HSPG2: variants seen among roughly 807,000 people sequenced by gnomAD.
The protein encoded by HSPG2 is basement membrane-specific heparan sulfate proteoglycan core protein.
A neutral mutation model predicts 526.6 loss-of-function variants in HSPG2; 278 were observed. The observed-to-expected ratio is 0.53, with a 90% CI of 0.48 to 0.58. The LOEUF is 0.58. Among genes scored for constraint, HSPG2 ranks in the 20% least tolerant of loss-of-function variants. The pLI is 0.00. For synonymous variants in HSPG2, 2,465 were observed against 2,555.4 expected, an observed-to-expected ratio of 0.96 and a Z score of 1.07; for missense variants, 5,354 against 6,099.5, an observed-to-expected ratio of 0.88 and a Z score of 4.07.
In HSPG2 at chr1:21,836,909, G is replaced by A. The variant is rs41310390; in HGVS notation, c.10248C>T (p.Ser3416=). Residue 3416 remains serine (S), a synonymous_variant, in exon 75 of 97, where the codon AGC becomes AGT. Transcript: ENST00000374695. Reference sequence around the variant, plus strand: ...TGGGCACAGCACAGTGGAACTCAACGCTGGCCCCAATGCTCTTGGTCTCTA... The same window carrying A: ...TGGGCACAGCACAGTGGAACTCAACACTGGCCCCAATGCTCTTGGTCTCTA... The part of the protein sequence containing the change: ...PQLETKSIGA[S]VEFHCAVPSD... 0.06 allele frequency: 94,257 copies of A among 1,561,834 alleles called. 3,109 individuals carry two copies. Among genetic ancestry groups the A allele is most frequent in the South Asian group, 0.096 (8,164 of 84,728 alleles).
intron 1 of HSPG2, among the ~76,000 whole-genome samples, chr1:21,927,296 C>T (rs1267450416): frequency 6.6e-6 from 1 of 152,162 alleles, no homozygotes; most frequent in Non-Finnish European, 1.5e-5. Flanking sequence ...TACCCAACAG[C>T]CCAAGCCCAA....
intron 65 of HSPG2, 87 bp from the exon 66 acceptor site, chr1:21,843,525 T>C (rs1202905847): frequency 8.5e-6 from 12 of 1,409,320 alleles, no homozygotes; most frequent in African/African-American, 2.8e-5. Flanking sequence ...GGGACTGCCA[T>C]GCACAGATAT....
At chr1:21,850,996 T>C (rs184297546) in intron 55 of HSPG2, among the ~76,000 whole-genome samples, 3 of 149,750 alleles carry the variant, frequency 2.0e-5, no homozygotes, top group African/African-American at 7.5e-5. Context: ...TTTTTGAGAC[T>C]GAGTCTCGCT....
In HSPG2 at chr1:21,855,419, C is replaced by T. The variant is rs1458695066; in HGVS notation, c.5882G>A (p.Ser1961Asn). The T allele has an allele frequency of 6.2e-7, 1 of 1,613,208 alleles. No homozygotes were observed. The highest frequency in any genetic ancestry group is 2.2e-5 in the East Asian group (1 of 44,872). ...HGGGGPRVQVSPERTQVHAGR... is the reference protein window; with the variant it reads ...HGGGGPRVQVNPERTQVHAGR... ...TGCGTGGACCTGGGTCCTCTCTGGG[C>T]TCACTTGGACTCTGGGCCCACCGCC... is the stretch of plus-strand genomic sequence containing the variant. Residue 1961 changes from serine to asparagine, a missense_variant, in exon 47 of 97, where the codon AGC becomes AAC. Transcript: ENST00000374695.
At position 21,823,205 on chromosome 1, in the gene HSPG2, C is replaced by G. The variant is rs889983270; in HGVS notation, c.*111G>C. ...CCAGCCCAGGGCGGTAGCAGCAAAG[C>G]GTGGCATCGCCTCGGTTTCTTACAA... is the stretch of plus-strand genomic sequence containing the variant. On this transcript the variant is annotated 3_prime_UTR_variant, in exon 97 of 97. Transcript: ENST00000374695. 1 of 1,064,258 alleles carries G rather than the reference C, an allele frequency of 9.4e-7. No individual in the cohort carries two copies. The highest frequency in any genetic ancestry group is 1.6e-5 in the African/African-American group (1 of 62,174). 65.9% of individuals were successfully genotyped at this position (1,064,258 alleles called of 1,614,324 possible). A position where few individuals can be genotyped will look rare whatever the true frequency, so the allele number is the denominator to read the frequency against.
rs769931865 is a variant in HSPG2 at position 21,890,408 on chromosome 1, C to T, written c.413+19G>A. On this transcript the variant is annotated intron_variant, in intron 5 of 96. Transcript: ENST00000374695. The surrounding 1 kb of genome is among the most constrained non-coding windows in gnomAD (Gnocchi z 4.1). Reference sequence around the variant, plus strand: ...ACCCGCTCAAGTCCCCCAGCAGCCCCCAGGGAGCCCCTTCTCACTTGATGA... The same window carrying T: ...ACCCGCTCAAGTCCCCCAGCAGCCCTCAGGGAGCCCCTTCTCACTTGATGA... 2.5e-6 allele frequency: 4 copies of T among 1,612,816 alleles called. No homozygotes were observed. The highest frequency in any genetic ancestry group is 1.6e-4 in the Middle Eastern group (1 of 6,084).
At chr1:21,833,405 T>G (rs2098013077) in intron 79 of HSPG2, 21 bp from the exon 80 acceptor site, 2 of 1,614,028 alleles carry the variant, frequency 1.2e-6, no homozygotes, top group Admixed American at 3.3e-5. Context: ...AGAGCACAGC[T>G]GAAGACCCTG....
rs145793358 is a variant in HSPG2, at chr1:21,858,680, C to T, written c.5293+886G>A. Among the ~76,000 whole-genome samples the T allele has an allele frequency of 0.011, 1,680 of 152,364 alleles. 14 individuals are homozygous for T. Among genetic ancestry groups the T allele is most frequent in the South Asian group, 0.032 (156 of 4,834 alleles). Reference sequence around the variant, plus strand: ...TGGCCTAGCCACGCTTCCCACCCCCCGTGCCCACCTGCCTGACTTCTGCCA... The same window carrying T: ...TGGCCTAGCCACGCTTCCCACCCCCTGTGCCCACCTGCCTGACTTCTGCCA... On this transcript the variant is annotated intron_variant, in intron 42 of 96. Transcript: ENST00000374695. This position sits in a 1 kb window ranked among gnomAD's most constrained non-coding sequence, Gnocchi z 4.2.
Position 21,881,500 on chromosome 1 carries a change from C to T in HSPG2, c.1657G>A (p.Val553Met). The change falls in exon 14 of 97, where the codon GTG (valine) becomes ATG (methionine). Residue 553 changes from valine (V) to methionine (M), a missense_variant and splice_region_variant. Coordinates refer to ENST00000374695, the MANE Select transcript of HSPG2 (RefSeq NM_005529.7). ...GGCTGCGCAGGCATTGTCACATTCA[C>T]ACCTGTGGGTGGCAAGGGGGAGGCT... The part of the protein sequence containing the change: ...RFDQPDDFKG[V>M]NVTMPAQPGT... 1 of 1,610,714 alleles carries T rather than the reference C, an allele frequency of 6.2e-7. No individual in the cohort carries two copies. Among genetic ancestry groups the T allele is most frequent in the South Asian group, 1.1e-5 (1 of 90,966 alleles).
chr1:21,929,664 A>C (rs1436373773), intron 1 of HSPG2, among the ~76,000 whole-genome samples: 1 of 149,700 alleles, frequency 6.7e-6, no homozygotes, highest in African/African-American at 2.5e-5. Flanking sequence ...AACTGTTCTG[A>C]GAATTCTGGA....
chr1:21,850,418 G>A lies in HSPG2; in HGVS notation c.7239C>T (p.Ser2413=), dbSNP rs374923787. Residue 2413 remains serine (S), a synonymous_variant, in exon 56 of 97, where the codon TCC becomes TCT. Coordinates refer to ENST00000374695, the MANE Select transcript of HSPG2 (RefSeq NM_005529.7). ...CCAGGACAGAGGCCTCTAGAGGCAC[G>A]GAGCTGCCCAACACTCGGCACACGT... is the stretch of plus-strand genomic sequence containing the variant. ...GEYVCRVLGS[S]VPLEASVLVT... is the part of the protein sequence containing the mutation. 6.2e-6 allele frequency: 10 copies of A among 1,610,888 alleles called. No individual in the cohort carries two copies. Among genetic ancestry groups the A allele is most frequent in the Middle Eastern group, 3.3e-4 (2 of 6,042 alleles).
intron 21 of HSPG2, among the ~76,000 whole-genome samples, chr1:21,877,072 A>AAAAAAAG (rs1392119655): frequency 7.5e-4 from 114 of 151,364 alleles, no homozygotes; most frequent in African/African-American, 1.6e-3. Context: ...AAAAAAAAAA[A>AAAAAAAG]AAAAGAAAAG....
Position 21,885,333 on chromosome 1 carries a change from G to A in HSPG2, c.1197C>T (p.Asp399=), listed in dbSNP as rs371803910. 3.1e-6 allele frequency: 5 copies of A among 1,613,936 alleles called. No homozygotes were observed. Among genetic ancestry groups the A allele is most frequent in the African/African-American group, 2.7e-5 (2 of 74,918 alleles). The change falls in exon 10 of 97, where the codon GAC becomes GAT. Residue 399 remains aspartate, a synonymous_variant. Transcript: ENST00000374695. ...DEESDCPDRS[D]EFGCMPPQVV... Reference sequence around the variant, plus strand: ...CTCCCTGCTCACTGCAGCCAAACTCGTCGCTCCGGTCAGGACAGTCGCTCT... The same window carrying A: ...CTCCCTGCTCACTGCAGCCAAACTCATCGCTCCGGTCAGGACAGTCGCTCT...
At chr1:21,885,701 A>G (rs1041717671) in intron 9 of HSPG2, among the ~76,000 whole-genome samples, 6 of 151,492 alleles carry the variant, frequency 4.0e-5, no homozygotes, top group Non-Finnish European at 7.4e-5. Flanking sequence ...TGGCTGGCAC[A>G]TCACTGTCAC....
intron 52 of HSPG2, 111 bp from the exon 53 acceptor site, chr1:21,852,344 TTTC>T: frequency 7.2e-7 from 1 of 1,382,178 alleles, no homozygotes; most frequent in Non-Finnish European, 1.0e-6. Flanking sequence ...AGATCCAGCT[TTTC>T]AGGCATCTGG....
intron 1 of HSPG2, chr1:21,908,163 T>C (rs1004118596): frequency 1.1e-5 from 9 of 832,452 alleles, no homozygotes; most frequent in Non-Finnish European, 1.9e-5. Context: ...TTAGAAAACA[T>C]GGAGTTGTTC....
chr1:21,846,381 T>A (rs1373154192), intron 63 of HSPG2, 67 bp downstream of exon 63: 1 of 1,611,330 alleles, frequency 6.2e-7, no homozygotes. Context: ...TAGGTCTCCC[T>A]CTTGGCAAAG....
chr1:21,823,767 C>T, intron 95 of HSPG2, 48 bp from the exon 96 acceptor site: 2 of 1,445,324 alleles, frequency 1.4e-6, no homozygotes, highest in Non-Finnish European at 1.9e-6. Flanking sequence ...TCCTGGTCCT[C>T]CCCGGCCCCA....
At position 21,881,337 on chromosome 1, in the gene HSPG2, AC is replaced by A; in HGVS notation, c.1818+1del. 6.2e-7 allele frequency: 1 copy of A among 1,613,266 alleles called. No homozygotes were observed. The highest frequency in any genetic ancestry group is 8.5e-7 in the Non-Finnish European group (1 of 1,179,556). On this transcript the variant is annotated splice_donor_variant, in intron 14 of 96. Transcript: ENST00000374695. LOFTEE classifies it high-confidence loss of function. ...CCCAGGGTGGCAGCCCAGGCCCCTCACCTTGTTGCCCAGGAACTGTTCAGGC... is the reference window on the plus strand; with the variant it reads ...CCCAGGGTGGCAGCCCAGGCCCCTCACTTGTTGCCCAGGAACTGTTCAGGC...
Sources: allele counts gnomAD v4.1 joint callset (sites outside exome capture counted in the v4.1 genomes callset), GRCh38; gene constraint gnomAD v4.1.1; non-coding constraint Gnocchi (gnomAD v3.1); transcripts MANE v1.5; gene names NCBI Gene and HGNC (gene_info 2026-07-23, HGNC 2026-07-21).